The following POU2F1 variants were observed in gnomAD, a reference collection of about 807,000 sequenced individuals.
POU2F1 encodes POU domain, class 2, transcription factor 1.
A neutral mutation model predicts 84.9 loss-of-function variants in POU2F1; 16 were observed. The ratio of observed to expected loss-of-function variants is 0.19; its 90% confidence interval spans 0.13 to 0.29. The LOEUF (loss-of-function observed/expected upper bound fraction) is 0.29. Among genes scored for constraint, POU2F1 ranks in the 10% least tolerant of loss-of-function variants. The pLI, the probability that POU2F1 is intolerant of heterozygous loss-of-function variation, is 1.00. For missense variants in POU2F1, 738 were observed against 942.6 expected (o/e 0.78, Z 2.84); for synonymous variants, 368 against 368.3 (o/e 1.00, Z 0.01).
chr1:167,347,715 A>T (rs1028013691), intron 2 of POU2F1, among the ~76,000 whole-genome samples: 3 of 152,114 alleles, frequency 2.0e-5, no homozygotes, highest in African/African-American at 7.2e-5. Flanking sequence ...GCCCCTGACA[A>T]CCACCAACCT....
chr1:167,279,091 T>A (rs1458714852), intron 1 of POU2F1, among the ~76,000 whole-genome samples: 2 of 152,164 alleles, frequency 1.3e-5, no homozygotes, highest in East Asian at 3.9e-4. Context: ...CTGATTATAA[T>A]GGTACACAGT....
chr1:167,318,998 G>C (rs1656121560), intron 1 of POU2F1: 1 of 153,546 alleles, frequency 6.5e-6, no homozygotes, highest in African/African-American at 2.4e-5. Flanking sequence ...GTGACTGGTT[G>C]TCCTGCTTTC....
At chr1:167,411,900 C>A in intron 13 of POU2F1, 59 bp from the exon 14 acceptor site, 1 of 1,484,838 alleles carries the variant, frequency 6.7e-7, no homozygotes. Context: ...CTGAGTAAAG[C>A]CACCATTCTT....
rs180879477 is a variant in POU2F1 at position 167,330,900 on chromosome 1, A to G, written c.62-1570A>G. ...TTTTTTCCACTTTCCTTTAAAATTC[A>G]TTTAAAGGAAGCATGGAGCAGTATG... On this transcript the variant is annotated intron_variant, in intron 1 of 15. Transcript: ENST00000367866. Among the ~76,000 whole-genome samples, 55 of 152,174 alleles carry G rather than the reference A, an allele frequency of 3.6e-4. 1 individual carries two copies. Among genetic ancestry groups the G allele is most frequent in the Non-Finnish European group, 6.5e-4 (44 of 67,930 alleles).
At position 167,421,033 on chromosome 1, in the gene POU2F1, G is replaced by C. The variant is rs1650618403; in HGVS notation, c.*5223G>C. The C allele has an allele frequency of 6.6e-6, 1 of 152,186 alleles. No individual in the cohort carries two copies. Among genetic ancestry groups the C allele is most frequent in the Non-Finnish European group, 1.5e-5 (1 of 68,026 alleles). The allele number at this position is 152,186 out of a possible 1,614,324, so 9.4% of individuals were successfully genotyped here. A position where few individuals can be genotyped will look rare whatever the true frequency, so the allele number is the denominator to read the frequency against. On this transcript the variant is annotated 3_prime_UTR_variant, in exon 16 of 16. Transcript: ENST00000367866. ...TTGATGGGTTAATTTGCTCATAACT[G>C]ATATGAGTTTGCTTTTATGTGTGTG...
chr1:167,312,180 C>T (rs1655537300), intron 1 of POU2F1, among the ~76,000 whole-genome samples: 1 of 149,792 alleles, frequency 6.7e-6, no homozygotes, highest in Non-Finnish European at 1.5e-5. Flanking sequence ...TTATGATCCA[C>T]CCCCCTTGGC....
chr1:167,386,410 C>T (rs567970815), intron 8 of POU2F1, among the ~76,000 whole-genome samples: 10 of 152,234 alleles, frequency 6.6e-5, no homozygotes, highest in African/African-American at 2.4e-4. Context: ...GGTCTTGAAC[C>T]CCTGGGCTCA....
intron 1 of POU2F1, among the ~76,000 whole-genome samples, chr1:167,267,277 A>G (rs1288911461): frequency 6.6e-6 from 1 of 152,078 alleles, no homozygotes; most frequent in East Asian, 1.9e-4. Flanking sequence ...ACCAAACTAT[A>G]TATGCAAGAC....
intron 2 of POU2F1, among the ~76,000 whole-genome samples, chr1:167,345,998 CAAAAA>C (rs34988697): frequency 8.1e-6 from 1 of 124,090 alleles, no homozygotes; most frequent in African/African-American, 3.0e-5. Flanking sequence ...CGCATGTCTA[CAAAAA>C]AAAAAAAAAA....
intron 2 of POU2F1, among the ~76,000 whole-genome samples, chr1:167,362,447 G>C (rs1388078196): frequency 6.6e-6 from 1 of 152,298 alleles, no homozygotes; most frequent in African/African-American, 2.4e-5. Context: ...CACCATGCAG[G>C]GTCACATGGG....
chr1:167,287,725 G>A (rs2102522278), intron 1 of POU2F1, among the ~76,000 whole-genome samples: 1 of 152,274 alleles, frequency 6.6e-6, no homozygotes, highest in South Asian at 2.1e-4. Flanking sequence ...ATAGTTCTCA[G>A]CTGCTATCAG....
intron 1 of POU2F1, among the ~76,000 whole-genome samples, chr1:167,255,162 T>G (rs192882305): frequency 1.7e-3 from 262 of 152,334 alleles, no homozygotes; most frequent in African/African-American, 6.0e-3. Flanking sequence ...CAAGTCTCAT[T>G]CAATAGGTAC....
At chr1:167,340,556 C>G (rs577313647) in intron 2 of POU2F1, among the ~76,000 whole-genome samples, 4 of 151,474 alleles carry the variant, frequency 2.6e-5, no homozygotes, top group Admixed American at 1.3e-4. Context: ...CTCAGCCTCT[C>G]AAGTAGCCGG....
intron 9 of POU2F1, 132 bp downstream of exon 9, chr1:167,389,893 A>T (rs1571424573): frequency 4.0e-6 from 4 of 1,004,814 alleles, no homozygotes; most frequent in Admixed American, 4.6e-5. Context: ...ACGAAAAAGG[A>T]TGGTCATGTC....
In POU2F1 at chr1:167,412,142, T is replaced by C; in HGVS notation, c.1739T>C (p.Leu580Pro). Reference sequence around the variant, plus strand: ...ACCTCCACTCCTTTGTCCTCCCCTCTTGGGACCAGCCAGGTGATGGTGACA... The same window carrying C: ...ACCTCCACTCCTTTGTCCTCCCCTCCTGGGACCAGCCAGGTGATGGTGACA... ...QTTSTPLSSP[L>P]GTSQVMVTAS... The change falls in exon 14 of 16, where the codon CTT (leucine) becomes CCT (proline). Residue 580 changes from leucine (L) to proline (P), a missense_variant. Around this residue, in one of 4 missense-constraint regions of POU2F1, gnomAD observed 319 missense variants for 386.0 expected, o/e 0.83. Coordinates refer to ENST00000367866, the MANE Select transcript of POU2F1 (RefSeq NM_002697.4). 6.2e-7 allele frequency: 1 copy of C among 1,614,172 alleles called. No homozygotes were observed. The highest frequency in any genetic ancestry group is 8.5e-7 in the Non-Finnish European group (1 of 1,180,030).
In POU2F1 at chr1:167,296,941, A is replaced by G. The variant is rs574721358; in HGVS notation, c.62-35529A>G. 2.6e-5 allele frequency among the ~76,000 whole-genome samples: 4 copies of G among 152,160 alleles called. No individual in the cohort carries two copies. In the East Asian group the frequency reaches 7.7e-4, roughly 29 times the overall value. ...TATGCTATATATGTTTATATGCTGT[A>G]TGGGAAGACTGATTTTTTTAAAATT... On this transcript the variant is annotated intron_variant, in intron 1 of 15. Transcript: ENST00000367866.
intron 15 of POU2F1, among the ~76,000 whole-genome samples, chr1:167,415,216 GACAC>G (rs1650220697): frequency 6.6e-6 from 1 of 152,196 alleles, no homozygotes. Context: ...GTGATTTCAA[GACAC>G]GAACATGACT....
Position 167,300,314 on chromosome 1 carries a change from T to C in POU2F1, c.62-32156T>C, listed in dbSNP as rs147125387. On this transcript the variant is annotated intron_variant, in intron 1 of 15. Transcript: ENST00000367866. ...AAGGGTTAAAAAATTAGAGATCAGG[T>C]ACCGTATTCACTGTTTGGGTTATGG... is the stretch of plus-strand genomic sequence containing the variant. 2.6e-5 allele frequency among the ~76,000 whole-genome samples: 4 copies of C among 152,256 alleles called. No individual in the cohort carries two copies. The East Asian group carries it at 7.7e-4, about 29-fold the overall frequency.
intron 1 of POU2F1, among the ~76,000 whole-genome samples, chr1:167,295,949 G>A (rs796520336): frequency 2.6e-5 from 4 of 152,166 alleles, no homozygotes; most frequent in Admixed American, 6.5e-5. Flanking sequence ...CAGAAAGGGA[G>A]GGTGTATAGT....
Sources: gnomAD v4.1 joint callset for allele counts (sites outside exome capture counted in the v4.1 genomes callset) on GRCh38, gnomAD v4.1.1 for gene constraint, gnomAD v4.1.1 regional missense constraint, MANE v1.5 for transcripts, NCBI Gene and HGNC (gene_info 2026-07-23, HGNC 2026-07-21) for gene names.